PLEKHS1: variants seen among roughly 807,000 people sequenced by gnomAD.
PLEKHS1 encodes the protein pleckstrin homology domain containing S1.
PLEKHS1 carries 55 observed loss-of-function variants against 51.0 expected under a neutral mutation model. The observed-to-expected ratio is 1.08, with a 90% CI of 0.87 to 1.35. The LOEUF (loss-of-function observed/expected upper bound fraction) is 1.35. Among genes scored for constraint, PLEKHS1 ranks in the 40% most tolerant of loss-of-function variants. The pLI is 0.00. For missense variants in PLEKHS1, 398 were observed against 423.0 expected (o/e 0.94, Z 0.52); for synonymous variants, 153 against 144.8 (o/e 1.06, Z -0.41).
intron 2 of PLEKHS1, 167 bp downstream of exon 2, chr10:113,755,472 C>A: frequency 7.7e-7 from 1 of 1,301,478 alleles, no homozygotes; most frequent in Non-Finnish European, 9.9e-7. Flanking sequence ...AGTACAGTGG[C>A]ACGATCTAAG....
In PLEKHS1 at chr10:113,780,935, T is replaced by C. The variant is rs953606446; in HGVS notation, c.*333T>C. On this transcript the variant is annotated 3_prime_UTR_variant, in exon 12 of 12. Coordinates refer to ENST00000361048, the Ensembl canonical transcript of PLEKHS1. ...TGGGGATGACTATCCCCTCTCTGGT[T>C]ATTGTATCAGAGATGCTAAGAGGGT... The C allele has an allele frequency of 3.4e-5, 24 of 705,050 alleles. No individual in the cohort carries two copies. In the African/African-American group the frequency reaches 4.3e-4, roughly 13 times the overall value. 43.7% of individuals were successfully genotyped at this position (705,050 alleles called of 1,614,324 possible).
intron 2 of PLEKHS1, chr10:113,765,461 A>C: frequency 1.3e-6 from 1 of 773,548 alleles, no homozygotes; most frequent in East Asian, 2.4e-5. Context: ...TAGTTTCAGC[A>C]CACACATGTG....
chr10:113,770,199 TCA>T (rs112847897), intron 7 of PLEKHS1, among the ~76,000 whole-genome samples: 75 of 152,274 alleles, frequency 4.9e-4, no homozygotes, highest in African/African-American at 1.7e-3. Context: ...TTCCTTTCTT[TCA>T]CACAGAGGGC....
At chr10:113,755,186 G>C in intron 1 of PLEKHS1, 73 bp from the exon 2 acceptor site, 2 of 1,502,954 alleles carry the variant, frequency 1.3e-6, no homozygotes, top group Middle Eastern at 3.6e-4. Flanking sequence ...GATACTCACT[G>C]ACCAGCGGTG....
intron 11 of PLEKHS1, 56 bp from the exon 13 acceptor site, chr10:113,780,546 C>A (rs959417066): frequency 6.6e-7 from 1 of 1,515,962 alleles, no homozygotes; most frequent in Non-Finnish European, 9.1e-7. Context: ...GATTGGGAAG[C>A]AACAATCTTA....
intron 2 of PLEKHS1, among the ~76,000 whole-genome samples, chr10:113,757,461 T>C (rs1325266878): frequency 2.0e-5 from 3 of 152,216 alleles, no homozygotes; most frequent in Non-Finnish European, 4.4e-5. Context: ...GAGTGTGTAA[T>C]AGCATTATGT....
intron 2 of PLEKHS1, among the ~76,000 whole-genome samples, chr10:113,762,840 T>C (rs1438762795): frequency 6.6e-6 from 1 of 152,042 alleles, no homozygotes; most frequent in Non-Finnish European, 1.5e-5. Flanking sequence ...GTTGGTAGTG[T>C]TGTTCAAGCC....
rs73361870 is a variant in PLEKHS1, at chr10:113,775,913, C to A, written c.1091+47C>A. 5,429 of 1,386,238 alleles carry A rather than the reference C, an allele frequency of 3.9e-3. 160 individuals are homozygous for A. The African/African-American group carries it at 0.067, about 17-fold the overall frequency. 85.9% of individuals were successfully genotyped at this position (1,386,238 alleles called of 1,614,324 possible). A position where few individuals can be genotyped will look rare whatever the true frequency, so the allele number is the denominator to read the frequency against. ...TGTGGATTATAAATGGGGCTGGAAG[C>A]TTTGAAGAGAACAATTACATCTTGA... On this transcript the variant is annotated intron_variant, in intron 11 of 11. Coordinates refer to ENST00000361048, the Ensembl canonical transcript of PLEKHS1.
At chr10:113,770,317 C>A (rs1844348338) in intron 7 of PLEKHS1, among the ~76,000 whole-genome samples, 1 of 152,230 alleles carries the variant, frequency 6.6e-6, no homozygotes, top group Non-Finnish European at 1.5e-5. Context: ...CTTCCCTTTA[C>A]CCTGATCAAT....
intron 8 of PLEKHS1, 117 bp from the exon 9 acceptor site, chr10:113,774,110 T>G (rs770583574): frequency 9.9e-5 from 62 of 624,648 alleles, no homozygotes; most frequent in Non-Finnish European, 1.7e-4. Flanking sequence ...AGAACCACGT[T>G]CATCCACTGG....
At chr10:113,775,809 T>C in exon 11 of PLEKHS1, 1 of 1,613,194 alleles carries the variant, frequency 6.2e-7, no homozygotes, top group Non-Finnish European at 8.5e-7. Flanking sequence ...AACGTTTTCC[T>C]TTCTCCTCCT....
At chr10:113,770,003 C>A in intron 7 of PLEKHS1, 103 bp downstream of exon 7, 1 of 833,246 alleles carries the variant, frequency 1.2e-6, no homozygotes, top group Non-Finnish European at 2.1e-6. Context: ...CCACCTTCCT[C>A]AAAGCCCGAT....
chr10:113,769,654 G>T, intron 6 of PLEKHS1, 130 bp from the exon 7 acceptor site: 1 of 688,240 alleles, frequency 1.5e-6, no homozygotes, highest in African/African-American at 1.8e-5. Context: ...AATAATGCTG[G>T]CAGGCCAGCG....
intron 1 of PLEKHS1, among the ~76,000 whole-genome samples, 189 bp from the exon 2 acceptor site, chr10:113,755,070 T>C (rs1854044019): frequency 6.6e-6 from 1 of 152,164 alleles, no homozygotes; most frequent in Non-Finnish European, 1.5e-5. Context: ...TGTGTCCCCG[T>C]TACTGCAGCT....
At chr10:113,774,892 G>A in exon 10 of PLEKHS1, 1 of 1,614,150 alleles carries the variant, frequency 6.2e-7, no homozygotes, top group Non-Finnish European at 8.5e-7. Flanking sequence ...CCCTTCCAGA[G>A]ACCCAGGATG....
chr10:113,776,518 AT>A (rs1248865435), intron 11 of PLEKHS1, among the ~76,000 whole-genome samples: 2 of 152,210 alleles, frequency 1.3e-5, no homozygotes, highest in Non-Finnish European at 2.9e-5. Context: ...CACACCTTCC[AT>A]TTTTTTAAAT....
At chr10:113,777,575 T>A in intron 11 of PLEKHS1, 1 of 1,550,710 alleles carries the variant, frequency 6.4e-7, no homozygotes, top group Non-Finnish European at 8.7e-7. Context: ...AACCAATTTG[T>A]GCCTCAGTTT....
chr10:113,751,780 A>G lies in PLEKHS1; in HGVS notation c.-20+19A>G, dbSNP rs142574529. ...GCTTCCAGTAAGTACTGCTTGGTGTATCTGGTTTGGACTTCCAAGGCTGGG... is the reference window on the plus strand; with the variant it reads ...GCTTCCAGTAAGTACTGCTTGGTGTGTCTGGTTTGGACTTCCAAGGCTGGG... On this transcript the variant is annotated intron_variant, in intron 1 of 11. Transcript: ENST00000361048. 6.3e-4 allele frequency: 96 copies of G among 152,282 alleles called. No individual in the cohort carries two copies. Among genetic ancestry groups the G allele is most frequent in the African/African-American group, 2.2e-3 (91 of 41,564 alleles). 9.4% of individuals were successfully genotyped at this position (152,282 alleles called of 1,614,324 possible). A position where few individuals can be genotyped will look rare whatever the true frequency, so the allele number is the denominator to read the frequency against.
At chr10:113,781,031 C>G in exon 12 of PLEKHS1, 1 of 508,444 alleles carries the variant, frequency 2.0e-6, no homozygotes, top group Non-Finnish European at 3.5e-6. Context: ...CCAAACACCA[C>G]AGACACAGAT....
Sources: allele counts gnomAD v4.1 joint callset (sites outside exome capture counted in the v4.1 genomes callset), GRCh38; gene constraint gnomAD v4.1.1; transcripts MANE v1.5; gene names NCBI Gene and HGNC (gene_info 2026-07-23, HGNC 2026-07-21).